Variants in ROBO2 observed in about 807,000 individuals in gnomAD.
ROBO2 encodes the protein roundabout guidance receptor 2.
A neutral mutation model predicts 160.8 loss-of-function variants in ROBO2; 53 were observed. The observed-to-expected ratio is 0.33, with a 90% CI of 0.26 to 0.41. ROBO2 has a LOEUF of 0.41. ROBO2 is among the 10% of genes least tolerant of loss of function. The pLI is 1.00. For synonymous variants in ROBO2, 664 were observed against 611.7 expected, an observed-to-expected ratio of 1.09 and a Z score of -1.26; for missense variants, 1,577 against 1,722.4, an observed-to-expected ratio of 0.92 and a Z score of 1.49.
chr3:76,667,496 G>C (rs1047854598), intron 2 of ROBO2, among the ~76,000 whole-genome samples: 1 of 151,864 alleles, frequency 6.6e-6, no homozygotes, highest in Non-Finnish European at 1.5e-5. Flanking sequence ...ACGCAGTAGT[G>C]GTCAGAAAGA....
chr3:77,197,397 C>T (rs920518648), intron 2 of ROBO2, among the ~76,000 whole-genome samples: 5 of 152,182 alleles, frequency 3.3e-5, no homozygotes, highest in Non-Finnish European at 7.3e-5. Context: ...ATGAGGCACA[C>T]TGCCAAAAAG....
intron 2 of ROBO2, among the ~76,000 whole-genome samples, chr3:77,351,896 A>G (rs2068386668): frequency 6.6e-6 from 1 of 151,504 alleles, no homozygotes; most frequent in African/African-American, 2.4e-5. Context: ...GAAGTGAACA[A>G]TGAGAACACA....
intron 2 of ROBO2, among the ~76,000 whole-genome samples, chr3:76,239,967 C>T (rs1440649587): frequency 6.6e-6 from 1 of 151,956 alleles, no homozygotes; most frequent in East Asian, 1.9e-4. Context: ...GGGAGTGAAA[C>T]AGGCAGGAGG....
chr3:76,872,834 A>C (rs1171992083), intron 2 of ROBO2, among the ~76,000 whole-genome samples: 1 of 152,022 alleles, frequency 6.6e-6, no homozygotes, highest in Non-Finnish European at 1.5e-5. Flanking sequence ...GCATCTGTCC[A>C]GTATTTTATA....
At chr3:77,277,767 G>A (rs1217655113) in intron 2 of ROBO2, among the ~76,000 whole-genome samples, 1 of 152,122 alleles carries the variant, frequency 6.6e-6, no homozygotes, top group Admixed American at 6.6e-5. Flanking sequence ...GAGCATACAT[G>A]TACATATATC....
At chr3:76,869,568 C>G (rs917333333) in intron 2 of ROBO2, among the ~76,000 whole-genome samples, 1 of 151,766 alleles carries the variant, frequency 6.6e-6, no homozygotes, top group Non-Finnish European at 1.5e-5. Flanking sequence ...CCAGGATGGT[C>G]TCGATCTCCT....
intron 2 of ROBO2, among the ~76,000 whole-genome samples, chr3:76,534,746 A>C (rs893206179): frequency 6.6e-6 from 1 of 152,050 alleles, no homozygotes; most frequent in African/African-American, 2.4e-5. Context: ...TATATGAGTA[A>C]AGTCAATTTG....
chr3:77,324,842 T>A (rs985312879), intron 2 of ROBO2, among the ~76,000 whole-genome samples: 4 of 150,546 alleles, frequency 2.7e-5, no homozygotes, highest in Non-Finnish European at 5.9e-5. Context: ...AATGAATTTT[T>A]AAACTAGCGC....
At chr3:77,242,975 G>A (rs780290641) in intron 2 of ROBO2, among the ~76,000 whole-genome samples, 4 of 151,550 alleles carry the variant, frequency 2.6e-5, no homozygotes, top group African/African-American at 2.4e-5. Context: ...GCATGTGTGC[G>A]TGCGTGTTTG....
At chr3:77,247,500 C>T (rs979620002) in intron 2 of ROBO2, among the ~76,000 whole-genome samples, 30 of 152,190 alleles carry the variant, frequency 2.0e-4, no homozygotes, top group African/African-American at 7.2e-4. Context: ...AGAGTGATTC[C>T]ATATTCACAT....
chr3:77,567,180 TA>T (rs1230661190), intron 12 of ROBO2, among the ~76,000 whole-genome samples: 1 of 151,968 alleles, frequency 6.6e-6, no homozygotes, highest in Non-Finnish European at 1.5e-5. Flanking sequence ...ATTTAAGTAA[TA>T]GCTGAGAAAT....
chr3:77,429,850 C>T (rs1240209964), intron 2 of ROBO2, among the ~76,000 whole-genome samples: 1 of 152,042 alleles, frequency 6.6e-6, no homozygotes, highest in Non-Finnish European at 1.5e-5. Flanking sequence ...ACACAAATCA[C>T]ACCTTACGGT....
chr3:77,211,538 G>C (rs1466342068), intron 2 of ROBO2, among the ~76,000 whole-genome samples: 10 of 151,854 alleles, frequency 6.6e-5, no homozygotes, highest in Non-Finnish European at 1.5e-4. Flanking sequence ...TGTTCACTCT[G>C]ATGGTAGTTC....
At chr3:76,573,670 T>G (rs1008803332) in intron 2 of ROBO2, among the ~76,000 whole-genome samples, 3 of 152,048 alleles carry the variant, frequency 2.0e-5, no homozygotes, top group African/African-American at 7.2e-5. Flanking sequence ...GCTAGTTCCC[T>G]TAATAATTTA....
intron 2 of ROBO2, among the ~76,000 whole-genome samples, chr3:77,351,272 A>G (rs779909952): frequency 2.0e-5 from 3 of 152,212 alleles, no homozygotes; most frequent in Admixed American, 6.5e-5. Context: ...ATATCAAAAC[A>G]TACTGGCATT....
At chr3:75,931,742 C>G (rs1947551317) in intron 1 of ROBO2, among the ~76,000 whole-genome samples, 1 of 151,852 alleles carries the variant, frequency 6.6e-6, no homozygotes, top group South Asian at 2.1e-4. Flanking sequence ...CCCCCAACAC[C>G]CTTGTTGTGT....
At position 76,962,492 on chromosome 3, in the gene ROBO2, A is replaced by G. The variant is rs560370332; in HGVS notation, c.110-135522A>G. Reference sequence around the variant, plus strand: ...CGTTTCTACTAAAAATTCAAAATTAACCAGGCATGGTGGCACATGACTGTA... The same window carrying G: ...CGTTTCTACTAAAAATTCAAAATTAGCCAGGCATGGTGGCACATGACTGTA... On this transcript the variant is annotated intron_variant, in intron 2 of 26. Transcript: ENST00000487694. Among the ~76,000 whole-genome samples, 16 of 151,284 alleles carry G rather than the reference A, an allele frequency of 1.1e-4. No individual in the cohort carries two copies. In the South Asian group the frequency reaches 3.3e-3, roughly 32 times the overall value.
At chr3:76,868,450 G>A (rs1166972) in intron 2 of ROBO2, among the ~76,000 whole-genome samples, 22,742 of 152,038 alleles carry the variant, frequency 0.15, 1,913 homozygotes, top group African/African-American at 0.21. Context: ...TACTTGTTAC[G>A]TTCATTAATA....
intron 2 of ROBO2, among the ~76,000 whole-genome samples, chr3:76,487,865 C>T (rs1005572364): frequency 2.1e-4 from 32 of 152,204 alleles, no homozygotes; most frequent in African/African-American, 6.3e-4. Flanking sequence ...TCTCCGTGGA[C>T]CCTTTCACAA....
Sources: allele counts gnomAD v4.1 joint callset (sites outside exome capture counted in the v4.1 genomes callset), GRCh38; gene constraint gnomAD v4.1.1; transcripts MANE v1.5; gene names NCBI Gene and HGNC (gene_info 2026-07-23, HGNC 2026-07-21).